Variants in MYH7B observed in about 807,000 individuals in gnomAD.
MYH7B encodes the protein myosin heavy chain 7B.
In MYH7B, 205 loss-of-function variants were observed where a neutral mutation model predicts 234.5. The ratio of observed to expected loss-of-function variants is 0.87; its 90% CI spans 0.78 to 0.98. The LOEUF (loss-of-function observed/expected upper bound fraction) is 0.98. Among genes scored for constraint, MYH7B ranks in the 50% least tolerant of loss-of-function variants. The pLI, the probability that MYH7B is intolerant of heterozygous loss-of-function variation, is 0.00. For missense variants in MYH7B, 2,652 were observed against 2,633.4 expected (o/e 1.01, Z -0.15); for synonymous variants, 1,193 against 1,105.0 (o/e 1.08, Z -1.58).
intron 2 of MYH7B, among the ~76,000 whole-genome samples, chr20:34,959,602 C>T (rs1210372004): frequency 4.6e-5 from 7 of 151,998 alleles, no homozygotes; most frequent in East Asian, 1.9e-4. Context: ...CTCAGTCTCC[C>T]GAGTAGCTGG....
At chr20:34,989,186 C>G (rs1885120) in intron 19 of MYH7B, among the ~76,000 whole-genome samples, 145,719 of 152,346 alleles carry the variant, frequency 0.96, 69,786 homozygotes, top group East Asian at 1. Context: ...GAATGCTGCT[C>G]ATGGCAAGAG....
chr20:34,980,540 AAAC>A (rs772167196), intron 7 of MYH7B, 35 bp from the exon 8 acceptor site: 4 of 1,567,074 alleles, frequency 2.6e-6, no homozygotes, highest in East Asian at 2.3e-5. Context: ...TCCATCTCAA[AAAC>A]AACAACATAA....
chr20:34,956,260 T>A (rs1019631264), intron 1 of MYH7B, among the ~76,000 whole-genome samples: 1 of 152,134 alleles, frequency 6.6e-6, no homozygotes, highest in Non-Finnish European at 1.5e-5. Flanking sequence ...TATTTTTTTT[T>A]AACCTGGGAT....
rs2081927404 is a variant in MYH7B at position 34,980,636 on chromosome 20, CG to C, written c.403del (p.Ala135ProfsTer3). ...CCCTACAAATGGCTCCCAGTCTATA[CG>C]GCCTCCGTAGTGGCTGCTTACAAGG... On this transcript the variant is annotated frameshift_variant, in exon 8 of 45. Coordinates refer to ENST00000262873, the Ensembl canonical transcript of MYH7B. LOFTEE classifies it high-confidence loss of function. The C allele has an allele frequency of 1.2e-6, 2 of 1,614,078 alleles. No homozygotes were observed. The highest frequency in any genetic ancestry group is 1.7e-5 in the Admixed American group (1 of 60,008).
In MYH7B at chr20:34,995,264, G is replaced by A; in HGVS notation, c.2701-72G>A. The A allele has an allele frequency of 4.0e-6, 6 of 1,503,196 alleles. No homozygotes were observed. In the South Asian group the frequency reaches 6.1e-5, roughly 15 times the overall value. The allele number at this position is 1,503,196 out of a possible 1,614,324, so 93.1% of individuals were successfully genotyped here. The stretch of plus-strand genomic sequence containing the variant: ...CTACAGAGGCAGTTTCCTCTCCAGG[G>A]CCTGGCCTGGTGTCTCTCTGCTGGT... On this transcript the variant is annotated intron_variant, in intron 27 of 44. Coordinates refer to ENST00000262873, the Ensembl canonical transcript of MYH7B.
At chr20:34,998,405 A>T (rs61746251) in exon 33 of MYH7B, 1 of 1,613,362 alleles carries the variant, frequency 6.2e-7, no homozygotes, top group Admixed American at 1.7e-5. Flanking sequence ...AGCGTGGGCG[A>T]CTACAGACGG....
At chr20:34,965,324 C>T (rs2147152293) in intron 2 of MYH7B, among the ~76,000 whole-genome samples, 2 of 152,378 alleles carry the variant, frequency 1.3e-5, no homozygotes, top group South Asian at 4.1e-4. Context: ...GCCGAATCCA[C>T]TAGAGCAAAG....
Position 34,982,447 on chromosome 20 carries a change from G to C in MYH7B, c.528-12G>C. On this transcript the variant is annotated splice_polypyrimidine_tract_variant and intron_variant, in intron 9 of 44. Coordinates refer to ENST00000262873, the Ensembl canonical transcript of MYH7B. ...AGATGGGCATTGGTGACTCATGTTT[G>C]TGTCGTCCAAGCGGAGAGTCGGGGG... 1 of 1,613,598 alleles carries C rather than the reference G, an allele frequency of 6.2e-7. No homozygotes were observed. Among genetic ancestry groups the C allele is most frequent in the Non-Finnish European group, 8.5e-7 (1 of 1,179,604 alleles).
chr20:34,994,190 C>T lies in MYH7B; in HGVS notation c.2489C>T (p.Ala830Val), dbSNP rs199876576. 1.6e-4 allele frequency: 264 copies of T among 1,613,438 alleles called. No individual in the cohort carries two copies. The African/African-American group carries it at 2.8e-3, about 17-fold the overall frequency. The change falls in exon 27 of 45, where the codon GCC becomes GTC. Residue 830 changes from alanine to valine, a missense_variant. By Grantham distance (64) the Ala-to-Val change is moderately conservative. Coordinates refer to ENST00000262873, the Ensembl canonical transcript of MYH7B. ...CAGTGGAACATCCGTGCCTTCAATG[C>T]CGTCAAGAACTGGTCATGGATGAAG...
chr20:34,991,656 G>A (rs1279011165), intron 24 of MYH7B, among the ~76,000 whole-genome samples: 2 of 152,114 alleles, frequency 1.3e-5, no homozygotes, highest in Non-Finnish European at 2.9e-5. Flanking sequence ...TGTGGACGAG[G>A]CTTCATGAGA....
At chr20:34,963,379 A>G (rs1433397382) in intron 2 of MYH7B, among the ~76,000 whole-genome samples, 3 of 152,212 alleles carry the variant, frequency 2.0e-5, no homozygotes, top group Non-Finnish European at 4.4e-5. Flanking sequence ...GGTAGTTTGT[A>G]TATCTTCTTT....
intron 2 of MYH7B, among the ~76,000 whole-genome samples, chr20:34,971,327 G>A (rs1360489827): frequency 6.6e-6 from 1 of 152,124 alleles, no homozygotes; most frequent in Non-Finnish European, 1.5e-5. Flanking sequence ...TCCTCTTGCT[G>A]TGGCTGAGGT....
At chr20:34,970,984 G>A (rs1329728367) in intron 2 of MYH7B, among the ~76,000 whole-genome samples, 1 of 152,130 alleles carries the variant, frequency 6.6e-6, no homozygotes, top group Non-Finnish European at 1.5e-5. Flanking sequence ...GGACCAGAGT[G>A]GGTGCTGGGG....
intron 30 of MYH7B, 75 bp from the exon 31 acceptor site, chr20:34,997,008 G>C: frequency 7.4e-7 from 1 of 1,351,100 alleles, no homozygotes; most frequent in Non-Finnish European, 9.7e-7. Context: ...GAAGGGGACT[G>C]GGGGGCGTTA....
intron 7 of MYH7B, 195 bp downstream of exon 7, chr20:34,979,999 G>T: frequency 1.6e-6 from 1 of 630,138 alleles, no homozygotes; most frequent in Non-Finnish European, 2.7e-6. Flanking sequence ...GTGGGGGCGG[G>T]GCTGGAGGTT....
intron 13 of MYH7B, 117 bp downstream of exon 13, chr20:34,985,246 C>A: frequency 1.1e-6 from 1 of 944,086 alleles, no homozygotes; most frequent in Non-Finnish European, 1.7e-6. Context: ...TTCTCTCTAC[C>A]CCCTGGCTGC....
intron 43 of MYH7B, 92 bp downstream of exon 43, chr20:35,001,618 C>A: frequency 8.7e-7 from 1 of 1,148,724 alleles, no homozygotes; most frequent in South Asian, 1.4e-5. Context: ...CAGCTCCACC[C>A]TCCAAGGTCA....
intron 2 of MYH7B, 119 bp from the exon 3 acceptor site, chr20:34,975,277 GCACT>G: frequency 2.3e-6 from 1 of 429,822 alleles, no homozygotes. Flanking sequence ...TGATCTCGGC[GCACT>G]GTAACCTCTG....
chr20:34,996,431 ACCAACAGGC>A, exon 29 of MYH7B: 1 of 1,613,498 alleles, frequency 6.2e-7, no homozygotes, highest in South Asian at 1.1e-5. Context: ...CAGGAGGCCC[ACCAACAGGC>A]CCTGGGTGAC....
Sources: gnomAD v4.1 joint callset for allele counts (sites outside exome capture counted in the v4.1 genomes callset) on GRCh38, gnomAD v4.1.1 for gene constraint, MANE v1.5 for transcripts, NCBI Gene and HGNC (gene_info 2026-07-23, HGNC 2026-07-21) for gene names.